SGSM1: variants seen among roughly 807,000 people sequenced by gnomAD.
SGSM1 encodes the protein small G protein signaling modulator 1.
In SGSM1, 73 loss-of-function variants were observed where a neutral mutation model predicts 133.8. The ratio of observed to expected loss-of-function variants is 0.55; its 90% confidence interval spans 0.45 to 0.66. The LOEUF (loss-of-function observed/expected upper bound fraction) is 0.66, where lower values mean the gene tolerates loss of function less well. SGSM1 is among the 30% of genes least tolerant of loss of function. The pLI is 0.00. For missense variants in SGSM1, 1,213 were observed against 1,448.1 expected, an observed-to-expected ratio of 0.84 and a Z score of 2.64; for synonymous variants, 563 against 573.0, an observed-to-expected ratio of 0.98 and a Z score of 0.25.
chr22:24,893,525 C>A lies in SGSM1; in HGVS notation c.1865C>A (p.Ala622Glu). 1 of 1,611,378 alleles carries A rather than the reference C, an allele frequency of 6.2e-7. No homozygotes were observed. The highest frequency in any genetic ancestry group is 2.2e-5 in the East Asian group (1 of 44,804). ...CGGCAGAGGGAGCGGGAGTCCCATG[C>A]GGCCGCCCTGGCCAAATGCTCATCC... ...IVRQRERESH[A>E]AALAKCSSGA... The change falls in exon 17 of 25, where the codon GCG becomes GAG. Residue 622 changes from alanine (A) to glutamate (E), a missense_variant. Physicochemically the swap from Ala to Glu is moderately radical, Grantham distance 107. Transcript: ENST00000400358.
rs1365973153 is a variant in SGSM1, at chr22:24,867,224, C to T, written c.994+64C>T. 10 of 1,502,342 alleles carry T rather than the reference C, an allele frequency of 6.7e-6. No homozygotes were observed. The Admixed American group carries it at 1.8e-4, about 26-fold the overall frequency. The allele number at this position is 1,502,342 out of a possible 1,614,324, so 93.1% of individuals were successfully genotyped here. A position where few individuals can be genotyped will look rare whatever the true frequency, so the allele number is the denominator to read the frequency against. ...CTTGGATCCCCTGCCTGTCTCCATC[C>T]CTGCCTATTCATTAGCATCATGAGC... On this transcript the variant is annotated intron_variant, in intron 10 of 24. Coordinates refer to ENST00000400358, the MANE Select transcript of SGSM1 (RefSeq NM_001098497.3).
intron 12 of SGSM1, among the ~76,000 whole-genome samples, chr22:24,870,504 AT>A (rs1931716453): frequency 6.6e-6 from 1 of 152,138 alleles, no homozygotes; most frequent in South Asian, 2.1e-4. Flanking sequence ...TGGGTGTTTA[AT>A]TTATTTGGAG....
At chr22:24,917,055 CTTTTTTTTTTT>C (rs139775) in intron 22 of SGSM1, among the ~76,000 whole-genome samples, 1 of 118,480 alleles carries the variant, frequency 8.4e-6, no homozygotes, top group Non-Finnish European at 1.7e-5. Context: ...ATAAAAAATT[CTTTTTTTTTTT>C]TTTTTTTTTA....
chr22:24,927,184 C>T lies in SGSM1; in HGVS notation c.*2910C>T. Reference sequence around the variant, plus strand: ...CATGTGTCTGTGGTCAGCTGATGTCCAGATAGGCAACTCTGCTTCTGATGG... The same window carrying T: ...CATGTGTCTGTGGTCAGCTGATGTCTAGATAGGCAACTCTGCTTCTGATGG... On this transcript the variant is annotated 3_prime_UTR_variant, in exon 25 of 25. Transcript: ENST00000400358. 6.6e-6 allele frequency: 1 copy of T among 152,254 alleles called. No individual in the cohort carries two copies. The highest frequency in any genetic ancestry group is 2.1e-4 in the South Asian group (1 of 4,822). 9.4% of individuals were successfully genotyped at this position (152,254 alleles called of 1,614,324 possible).
chr22:24,820,762 T>G (rs1169122974), intron 2 of SGSM1, among the ~76,000 whole-genome samples: 1 of 152,194 alleles, frequency 6.6e-6, no homozygotes, highest in Admixed American at 6.5e-5. Context: ...GAGCGCCTAC[T>G]GTGTACCAGA....
chr22:24,829,187 C>T (rs917590797), intron 2 of SGSM1, among the ~76,000 whole-genome samples: 1 of 146,138 alleles, frequency 6.8e-6, no homozygotes, highest in Non-Finnish European at 1.5e-5. Context: ...GAGAGTGAGG[C>T]TCCATCTCAA....
At chr22:24,919,707 G>A in intron 23 of SGSM1, 119 bp from the exon 24 acceptor site, 1 of 1,081,064 alleles carries the variant, frequency 9.3e-7, no homozygotes, top group Non-Finnish European at 1.3e-6. Context: ...CTGCACCAGG[G>A]CACAGGCATA....
Position 24,879,450 on chromosome 22 carries a change from C to G in SGSM1, c.1431-12C>G, listed in dbSNP as rs1329644787. 3.7e-6 allele frequency: 6 copies of G among 1,613,318 alleles called. No individual in the cohort carries two copies. In the African/African-American group the frequency reaches 5.3e-5, roughly 14 times the overall value. ...ATCTATTCTAAGCATCTCCCTCTTT[C>G]TCCACCTGCAGGGCTCCCCTGAAAC... On this transcript the variant is annotated splice_polypyrimidine_tract_variant and intron_variant, in intron 13 of 24. Coordinates refer to ENST00000400358, the MANE Select transcript of SGSM1 (RefSeq NM_001098497.3).
At chr22:24,899,997 A>G (rs1409014403) in intron 19 of SGSM1, among the ~76,000 whole-genome samples, 2 of 151,348 alleles carry the variant, frequency 1.3e-5, no homozygotes, top group Non-Finnish European at 1.5e-5. Flanking sequence ...TATGCTATAA[A>G]ATGACTTACT....
chr22:24,880,354 G>A (rs978738691), intron 14 of SGSM1, among the ~76,000 whole-genome samples: 1 of 151,972 alleles, frequency 6.6e-6, no homozygotes, highest in East Asian at 1.9e-4. Flanking sequence ...GGCTGGTCTC[G>A]AACTCCTGAC....
intron 18 of SGSM1, among the ~76,000 whole-genome samples, chr22:24,896,867 C>A (rs1392680603): frequency 6.6e-6 from 1 of 151,866 alleles, no homozygotes; most frequent in African/African-American, 2.4e-5. Flanking sequence ...ATCCAAGCTA[C>A]TTGGGAGGCT....
intron 2 of SGSM1, among the ~76,000 whole-genome samples, chr22:24,812,333 C>G (rs995366571): frequency 1.3e-5 from 2 of 152,182 alleles, no homozygotes; most frequent in African/African-American, 2.4e-5. Flanking sequence ...ACCATCATCT[C>G]TTTCCATGAT....
intron 17 of SGSM1, among the ~76,000 whole-genome samples, chr22:24,894,583 C>T (rs1161854555): frequency 3.9e-5 from 6 of 152,158 alleles, no homozygotes; most frequent in South Asian, 4.1e-4. Flanking sequence ...ACCAGCTGTC[C>T]GTAACTGGTC....
rs543054209 is a variant in SGSM1 at position 24,819,247 on chromosome 22, C to T, written c.63+12763C>T. 2.4e-3 allele frequency among the ~76,000 whole-genome samples: 369 copies of T among 152,024 alleles called. 1 individual carries two copies. The highest frequency in any genetic ancestry group is 3.7e-3 in the Non-Finnish European group (255 of 68,002). Reference sequence around the variant, plus strand: ...CTGCCTTGTCCCAGTATGTTAGCCGCGAGTCACAAGTGCATATCTGCATTT... The same window carrying T: ...CTGCCTTGTCCCAGTATGTTAGCCGTGAGTCACAAGTGCATATCTGCATTT... On this transcript the variant is annotated intron_variant, in intron 2 of 24. Transcript: ENST00000400358.
intron 9 of SGSM1, among the ~76,000 whole-genome samples, chr22:24,863,184 G>A (rs1243889863): frequency 6.6e-6 from 1 of 152,176 alleles, no homozygotes; most frequent in African/African-American, 2.4e-5. Flanking sequence ...TTGAGATGGA[G>A]TCTTGCTCTG....
intron 12 of SGSM1, among the ~76,000 whole-genome samples, chr22:24,870,354 A>G (rs1931707183): frequency 6.6e-6 from 1 of 152,196 alleles, no homozygotes; most frequent in African/African-American, 2.4e-5. Flanking sequence ...CCCTGTGAAG[A>G]CCAACATTCA....
chr22:24,851,743 T>C (rs1246989828), intron 5 of SGSM1, among the ~76,000 whole-genome samples: 3 of 152,148 alleles, frequency 2.0e-5, no homozygotes, highest in Non-Finnish European at 2.9e-5. Flanking sequence ...TCAGGGAAAG[T>C]GTCCTGGATG....
rs575323849 is a variant in SGSM1 at position 24,910,238 on chromosome 22, TG to T, written c.2819-2398del. On this transcript the variant is annotated intron_variant, in intron 21 of 24. Transcript: ENST00000400358. Reference sequence around the variant, plus strand: ...TTCATTGATATAGGGATTTTGGGGTTGGGGGGGTAAAGAAATGTTCTGGAAC... The same window carrying T: ...TTCATTGATATAGGGATTTTGGGGTTGGGGGGTAAAGAAATGTTCTGGAAC... Among the ~76,000 whole-genome samples the T allele has an allele frequency of 2.2e-3, 331 of 151,982 alleles. 1 individual carries two copies. Among genetic ancestry groups the T allele is most frequent in the African/African-American group, 7.3e-3 (302 of 41,456 alleles).
chr22:24,863,669 C>G (rs765577565), intron 9 of SGSM1, among the ~76,000 whole-genome samples: 1 of 151,896 alleles, frequency 6.6e-6, no homozygotes, highest in African/African-American at 2.4e-5. Flanking sequence ...TCCAGCATCC[C>G]TTGGGGGACC....
Sources: allele counts gnomAD v4.1 joint callset (sites outside exome capture counted in the v4.1 genomes callset), GRCh38; gene constraint gnomAD v4.1.1; transcripts MANE v1.5; gene names NCBI Gene and HGNC (gene_info 2026-07-23, HGNC 2026-07-21).